CCT3: variants seen among roughly 807,000 people sequenced by gnomAD.
CCT3 encodes T-complex protein 1 subunit gamma.
In CCT3, 10 loss-of-function variants were observed where a neutral mutation model predicts 65.3. That is an observed-to-expected ratio of 0.15 (90% CI 0.09 to 0.26). The LOEUF is 0.26. Among genes scored for constraint, CCT3 ranks in the 10% least tolerant of loss-of-function variants. CCT3 has a pLI of 1.00. For synonymous variants in CCT3, 225 were observed against 242.3 expected (o/e 0.93, Z 0.66); for missense variants, 626 against 708.7 (o/e 0.88, Z 1.33).
rs769985903 is a variant in CCT3 at position 156,324,987 on chromosome 1, G to A, written c.407C>T (p.Thr136Ile). 105 of 1,609,858 alleles carry A rather than the reference G, an allele frequency of 6.5e-5. No homozygotes were observed. Among genetic ancestry groups the A allele is most frequent in the Non-Finnish European group, 8.3e-5 (98 of 1,176,522 alleles). ...CCCAAGATACCTTATTTTCTTTAGG[G>A]TGCTGATCATATCATCCAATGCCTT... ...YRKALDDMIS[T>I]LKKISIPVDI... The change falls in exon 6 of 14, where the codon ACC becomes ATC. Residue 136 changes from threonine to isoleucine, a missense_variant. Transcript: ENST00000295688.
intron 10 of CCT3, among the ~76,000 whole-genome samples, chr1:156,313,978 C>G (rs1391119968): frequency 3.3e-5 from 5 of 151,672 alleles, no homozygotes; most frequent in Non-Finnish European, 7.4e-5. Flanking sequence ...GTCCCAGCTA[C>G]TCGGGAGGCT....
Position 156,311,214 on chromosome 1 carries a change from C to G in CCT3, c.1156-19G>C. 6.2e-7 allele frequency: 1 copy of G among 1,610,876 alleles called. No individual in the cohort carries two copies. Among genetic ancestry groups the G allele is most frequent in the Non-Finnish European group, 8.5e-7 (1 of 1,178,354 alleles). On this transcript the variant is annotated intron_variant, in intron 11 of 13. Transcript: ENST00000295688. ...CTACTTCCTTGGAGAAGCAAACAGA[C>G]AGTATGAAGCCAAAGCTTGATGACT...
chr1:156,330,980 T>C (rs553954867), intron 5 of CCT3, among the ~76,000 whole-genome samples: 1 of 151,810 alleles, frequency 6.6e-6, no homozygotes, highest in South Asian at 2.1e-4. Flanking sequence ...CAGCCTGTAA[T>C]CCCAGCACTT....
At chr1:156,327,869 T>C (rs1041149520) in intron 5 of CCT3, among the ~76,000 whole-genome samples, 15 of 145,378 alleles carry the variant, frequency 1.0e-4, no homozygotes, top group Non-Finnish European at 1.8e-4. Flanking sequence ...CCGCCCATCG[T>C]CTGGGATGTG....
intron 7 of CCT3, 37 bp from the exon 8 acceptor site, chr1:156,319,054 A>G (rs1426213169): frequency 1.2e-5 from 19 of 1,547,474 alleles, no homozygotes; most frequent in Non-Finnish European, 1.7e-5. Flanking sequence ...TCCACAATCA[A>G]GAGACAATTT....
rs1178704988 is a variant in CCT3 at position 156,329,497 on chromosome 1, G to A, written c.304+4050C>T. Among the ~76,000 whole-genome samples the A allele has an allele frequency of 2.6e-5, 4 of 151,760 alleles. No individual in the cohort carries two copies. In the East Asian group the frequency reaches 5.9e-4, roughly 22 times the overall value. On this transcript the variant is annotated intron_variant, in intron 5 of 13. Transcript: ENST00000295688. ...ATTTTTTGTATTTTTAGCAAAGACA[G>A]GGTTTCACCATGTTGGTCAGGATGG...
chr1:156,315,427 T>C (rs1190052560), intron 10 of CCT3, among the ~76,000 whole-genome samples: 1 of 152,218 alleles, frequency 6.6e-6, no homozygotes, highest in Non-Finnish European at 1.5e-5. Flanking sequence ...CAGGCTGGTC[T>C]TGAACTCCTC....
intron 5 of CCT3, 74 bp from the exon 6 acceptor site, chr1:156,325,163 CA>C (rs1664747248): frequency 5.7e-6 from 6 of 1,051,846 alleles, no homozygotes; most frequent in Non-Finnish European, 8.8e-6. Flanking sequence ...ATTATTCTTC[CA>C]AAAAATACTC....
rs1212727664 is a variant in CCT3, at chr1:156,315,863, TTAG to T, written c.974+1300_974+1302del. Among the ~76,000 whole-genome samples, 16 of 152,258 alleles carry T rather than the reference TTAG, an allele frequency of 1.1e-4. No homozygotes were observed. The South Asian group carries it at 3.1e-3, about 30-fold the overall frequency. On this transcript the variant is annotated intron_variant, in intron 10 of 13. Coordinates refer to ENST00000295688, the MANE Select transcript of CCT3 (RefSeq NM_005998.5). ...ACATGTACATATTTCAACTAGAGAATTAGAACCTGCAAAAAAGAAAGATAAAAG... is the reference window on the plus strand; with the variant it reads ...ACATGTACATATTTCAACTAGAGAATAACCTGCAAAAAAGAAAGATAAAAG...
chr1:156,325,192 C>A, intron 5 of CCT3, 103 bp from the exon 6 acceptor site: 2 of 827,698 alleles, frequency 2.4e-6, no homozygotes, highest in Admixed American at 3.7e-5. Context: ...TCAGACTCTC[C>A]CAAAAGGTAT....
intron 6 of CCT3, among the ~76,000 whole-genome samples, chr1:156,321,413 T>C (rs1335663262): frequency 6.6e-6 from 1 of 152,242 alleles, no homozygotes; most frequent in East Asian, 1.9e-4. Context: ...TATCAAATCA[T>C]TCATTTGAAC....
rs763446108 is a variant in CCT3, at chr1:156,317,159, T to C, written c.974+7A>G. 4 of 1,612,174 alleles carry C rather than the reference T, an allele frequency of 2.5e-6. No individual in the cohort carries two copies. The highest frequency in any genetic ancestry group is 8.5e-7 in the Non-Finnish European group (1 of 1,178,256). On this transcript the variant is annotated splice_region_variant and intron_variant, in intron 10 of 13. Transcript: ENST00000295688. The stretch of plus-strand genomic sequence containing the variant: ...AGAAAAGTCTTGTTTTTACCTGGCC[T>C]ACTCACCTAGCAATGCGATTATTGT...
chr1:156,311,580 T>C (rs906867747), intron 11 of CCT3, among the ~76,000 whole-genome samples: 5 of 152,196 alleles, frequency 3.3e-5, no homozygotes, highest in African/African-American at 1.2e-4. Context: ...TTTTAGGAGG[T>C]TGCATGGTGT....
At chr1:156,320,118 T>C (rs1489080940) in intron 7 of CCT3, among the ~76,000 whole-genome samples, 1 of 152,040 alleles carries the variant, frequency 6.6e-6, no homozygotes, top group East Asian at 1.9e-4. Context: ...TAAAGATACC[T>C]TGCTTTGGTC....
chr1:156,312,858 A>G (rs2495269), intron 10 of CCT3, among the ~76,000 whole-genome samples: 120,921 of 152,158 alleles, frequency 0.79, 48,140 homozygotes, highest in African/African-American at 0.81. Context: ...TATGATTTGA[A>G]AAAATGTGAA....
chr1:156,317,644 C>G, intron 8 of CCT3, 97 bp from the exon 9 acceptor site: 1 of 1,157,458 alleles, frequency 8.6e-7, no homozygotes, highest in Non-Finnish European at 1.2e-6. Context: ...TCCCACGTAT[C>G]TCAGAGTCAG....
chr1:156,317,933 C>T (rs1244115169), intron 8 of CCT3, among the ~76,000 whole-genome samples: 6 of 151,966 alleles, frequency 3.9e-5, no homozygotes, highest in African/African-American at 9.7e-5. Flanking sequence ...AGGATGGTCT[C>T]GATCTTCTGA....
In CCT3 at chr1:156,338,282, T is replaced by C; in HGVS notation, c.-98A>G. 8.1e-7 allele frequency: 1 copy of C among 1,238,978 alleles called. No individual in the cohort carries two copies. The highest frequency in any genetic ancestry group is 1.2e-6 in the Non-Finnish European group (1 of 866,130). The allele number at this position is 1,238,978 out of a possible 1,614,324, so 76.7% of individuals were successfully genotyped here. A position where few individuals can be genotyped will look rare whatever the true frequency, so the allele number is the denominator to read the frequency against. The stretch of plus-strand genomic sequence containing the variant: ...CAGAAGCCCAGAAAACGCTGCCTCC[T>C]CAGGGCTTACACCTCAACCCGCTAC... On this transcript the variant is annotated 5_prime_UTR_variant, in exon 1 of 14. Coordinates refer to ENST00000295688, the MANE Select transcript of CCT3 (RefSeq NM_005998.5).
At chr1:156,321,520 A>G (rs1407539562) in intron 6 of CCT3, among the ~76,000 whole-genome samples, 2 of 152,178 alleles carry the variant, frequency 1.3e-5, no homozygotes, top group East Asian at 3.8e-4. Context: ...AACACATTTT[A>G]TGTATTTACC....
Sources: allele counts gnomAD v4.1 joint callset (sites outside exome capture counted in the v4.1 genomes callset), GRCh38; gene constraint gnomAD v4.1.1; transcripts MANE v1.5; gene names NCBI Gene and HGNC (gene_info 2026-07-23, HGNC 2026-07-21).